The following MSI2 variants were observed in gnomAD, a reference collection of about 807,000 sequenced individuals.
MSI2 encodes the protein musashi RNA binding protein 2.
Under a neutral mutation model 45.6 loss-of-function variants are expected in MSI2, and 17 were observed. That is an observed-to-expected ratio of 0.37 (90% CI 0.26 to 0.56). The LOEUF (loss-of-function observed/expected upper bound fraction) is 0.56, where lower values mean the gene tolerates loss of function less well. Among genes scored for constraint, MSI2 ranks in the 20% least tolerant of loss-of-function variants. MSI2 has a pLI of 0.77. For synonymous variants in MSI2, 156 were observed against 158.2 expected (o/e 0.99, Z 0.11); for missense variants, 293 against 444.2 (o/e 0.66, Z 3.06).
At chr17:57,647,620 A>G (rs1426483887) in intron 10 of MSI2, among the ~76,000 whole-genome samples, 1 of 151,826 alleles carries the variant, frequency 6.6e-6, no homozygotes, top group Admixed American at 6.6e-5. Context: ...CCTCATCACA[A>G]TGGCAGGTGT....
At chr17:57,349,177 C>T (rs1200774295) in intron 5 of MSI2, among the ~76,000 whole-genome samples, 1 of 152,174 alleles carries the variant, frequency 6.6e-6, no homozygotes, top group African/African-American at 2.4e-5. Flanking sequence ...GCTCTCGTCT[C>T]GGAGCCCTTC....
chr17:57,692,618 T>C, the MSI2 span, among the ~76,000 whole-genome samples: 2 of 152,318 alleles, frequency 1.3e-5, no homozygotes, highest in East Asian at 3.9e-4. Flanking sequence ...AATCTGCTGG[T>C]AATGAGTTTT....
intron 6 of MSI2, among the ~76,000 whole-genome samples, chr17:57,478,538 G>A (rs1341339668): frequency 6.6e-6 from 1 of 152,192 alleles, no homozygotes; most frequent in Non-Finnish European, 1.5e-5. Flanking sequence ...ACAAAACCAA[G>A]TGACATAGAC....
chr17:57,306,534 T>A (rs1464095265), intron 5 of MSI2, among the ~76,000 whole-genome samples: 1 of 152,090 alleles, frequency 6.6e-6, no homozygotes, highest in Admixed American at 6.5e-5. Flanking sequence ...CTTGCTCAAA[T>A]GAGGATGAGG....
chr17:57,469,037 C>G (rs552764880), intron 6 of MSI2, among the ~76,000 whole-genome samples: 1 of 152,316 alleles, frequency 6.6e-6, no homozygotes, highest in South Asian at 2.1e-4. Context: ...TACCAGCTCT[C>G]ACCTTCGTTT....
rs545005763 is a variant in MSI2 at position 57,651,688 on chromosome 17, A to G, written c.728-411A>G. On this transcript the variant is annotated intron_variant, in intron 10 of 13. Coordinates refer to ENST00000284073, the MANE Select transcript of MSI2 (RefSeq NM_138962.4). ...GCCTCCTGCCTGTGGCACGGGGCTG[A>G]CCACTCCGCCATGATCTCTGCCAGG... Among the ~76,000 whole-genome samples, 21 of 152,320 alleles carry G rather than the reference A, an allele frequency of 1.4e-4. No homozygotes were observed. In the South Asian group the frequency reaches 4.4e-3, roughly 32 times the overall value.
At chr17:57,456,089 C>T (rs945625995) in intron 6 of MSI2, among the ~76,000 whole-genome samples, 6 of 152,154 alleles carry the variant, frequency 3.9e-5, no homozygotes, top group Non-Finnish European at 7.4e-5. Flanking sequence ...GAGGGACCTC[C>T]GGGCAGCAGA....
chr17:57,533,311 A>G (rs1376230306), intron 7 of MSI2, among the ~76,000 whole-genome samples: 1 of 152,192 alleles, frequency 6.6e-6, no homozygotes, highest in African/African-American at 2.4e-5. Context: ...AAGCAGGAAG[A>G]GGGTCCCACG....
upstream of MSI2, among the ~76,000 whole-genome samples, chr17:57,256,363 G>A (rs1345410562): frequency 1.3e-5 from 2 of 151,606 alleles, no homozygotes; most frequent in East Asian, 2.0e-4. Flanking sequence ...GCAGGCGGGG[G>A]CCGCACGGGG....
intron 7 of MSI2, among the ~76,000 whole-genome samples, chr17:57,556,019 T>C (rs2087428621): frequency 6.6e-6 from 1 of 152,216 alleles, no homozygotes; most frequent in Non-Finnish European, 1.5e-5. Context: ...TGGTGACACA[T>C]TATCTGAGTT....
rs1042832914 is a variant in MSI2, at chr17:57,569,398, TTGC to T, written c.455-27467_455-27465del. Among the ~76,000 whole-genome samples the T allele has an allele frequency of 2.1e-4, 32 of 152,300 alleles. No homozygotes were observed. The Middle Eastern group carries it at 0.014, about 65-fold the overall frequency. On this transcript the variant is annotated intron_variant, in intron 7 of 13. Transcript: ENST00000284073. ...GCCTGGAGTTTTGCGGGCAGCTGTC[TTGC>T]TGATGGATCTCTGAAAGCTGGACAT...
intron 10 of MSI2, among the ~76,000 whole-genome samples, chr17:57,647,805 C>T (rs1567958112): frequency 2.0e-5 from 3 of 151,676 alleles, no homozygotes; most frequent in Non-Finnish European, 4.4e-5. Flanking sequence ...CCACACCCAG[C>T]TAATTTTTGT....
chr17:57,428,366 G>A (rs2084532816), intron 6 of MSI2, among the ~76,000 whole-genome samples: 1 of 152,034 alleles, frequency 6.6e-6, no homozygotes, highest in Non-Finnish European at 1.5e-5. Context: ...GGGATTACAG[G>A]CATGAGCCAC....
chr17:57,388,990 T>G (rs2083736600), intron 5 of MSI2, among the ~76,000 whole-genome samples: 1 of 134,164 alleles, frequency 7.5e-6, no homozygotes, highest in South Asian at 2.4e-4. Context: ...TCTTTTTTTT[T>G]TTTTTTGATA....
At chr17:57,574,452 C>T (rs1042754685) in intron 7 of MSI2, among the ~76,000 whole-genome samples, 5 of 152,274 alleles carry the variant, frequency 3.3e-5, no homozygotes, top group South Asian at 2.1e-4. Flanking sequence ...GGTGCATGGG[C>T]GGGGCAGGGC....
At chr17:57,619,883 G>A (rs1908126676) in intron 9 of MSI2, among the ~76,000 whole-genome samples, 1 of 152,192 alleles carries the variant, frequency 6.6e-6, no homozygotes, top group Admixed American at 6.5e-5. Context: ...GGGCTGTTAG[G>A]TAAAGATATT....
chr17:57,623,756 G>C (rs1908529648), intron 9 of MSI2, among the ~76,000 whole-genome samples: 1 of 152,228 alleles, frequency 6.6e-6, no homozygotes, highest in African/African-American at 2.4e-5. Flanking sequence ...GTCTGCACGG[G>C]TCTGCTGTAA....
intron 5 of MSI2, among the ~76,000 whole-genome samples, chr17:57,275,367 G>A (rs1908747561): frequency 1.3e-5 from 2 of 152,292 alleles, no homozygotes; most frequent in South Asian, 4.1e-4. Context: ...GAGGGAGCGA[G>A]GGAGAACCTT....
At chr17:57,690,210 T>C in the MSI2 span, among the ~76,000 whole-genome samples, 9 of 152,156 alleles carry the variant, frequency 5.9e-5, no homozygotes, top group African/African-American at 2.2e-4. Context: ...TTGTGATTTT[T>C]ATTTGTATTT....
Sources: allele counts gnomAD v4.1 joint callset (sites outside exome capture counted in the v4.1 genomes callset), GRCh38; gene constraint gnomAD v4.1.1; transcripts MANE v1.5; gene names NCBI Gene and HGNC (gene_info 2026-07-23, HGNC 2026-07-21).